The following EPHA10 variants were observed in gnomAD, a reference collection of about 807,000 sequenced individuals.
EPHA10 encodes EPH receptor A10, also known as ephrin type-A receptor 10.
EPHA10 carries 120 observed loss-of-function variants against 109.7 expected under a neutral mutation model. That is an observed-to-expected ratio of 1.09 (90% CI 0.94 to 1.27). The LOEUF (loss-of-function observed/expected upper bound fraction) is 1.27, where lower values mean the gene tolerates loss of function less well. Among genes scored for constraint, EPHA10 ranks in the 50% most tolerant of loss-of-function variants. EPHA10 has a pLI of 0.00. For synonymous variants in EPHA10, 640 were observed against 618.9 expected, an observed-to-expected ratio of 1.03 and a Z score of -0.51; for missense variants, 1,396 against 1,411.1, an observed-to-expected ratio of 0.99 and a Z score of 0.17.
intron 5 of EPHA10, among the ~76,000 whole-genome samples, chr1:37,739,424 C>A (rs1646119921): frequency 6.6e-6 from 1 of 152,276 alleles, no homozygotes; most frequent in Non-Finnish European, 1.5e-5. Flanking sequence ...CAGTGACTCA[C>A]ACCTGTAAAC....
chr1:37,758,102 C>T (rs911407365), intron 3 of EPHA10, among the ~76,000 whole-genome samples: 4 of 152,216 alleles, frequency 2.6e-5, no homozygotes, highest in African/African-American at 9.7e-5. Flanking sequence ...ATTTTGGGTG[C>T]AGGCAATAAG....
At position 37,727,230 on chromosome 1, in the gene EPHA10, G is replaced by A. The variant is rs759812178; in HGVS notation, c.1664-20C>T. 1.5e-5 allele frequency: 23 copies of A among 1,580,986 alleles called. No individual in the cohort carries two copies. The highest frequency in any genetic ancestry group is 1.9e-5 in the Non-Finnish European group (22 of 1,161,724). On this transcript the variant is annotated intron_variant, in intron 7 of 16. Coordinates refer to ENST00000373048, the MANE Select transcript of EPHA10 (RefSeq NM_001099439.2). Reference sequence around the variant, plus strand: ...AGGCAGCTGGGAGGAAAATCACGAGGTTGAGGCAGGCAGAGGACCAGGCTC... The same window carrying A: ...AGGCAGCTGGGAGGAAAATCACGAGATTGAGGCAGGCAGAGGACCAGGCTC...
chr1:37,750,122 T>C (rs1490480560), intron 5 of EPHA10, among the ~76,000 whole-genome samples: 3 of 152,174 alleles, frequency 2.0e-5, no homozygotes, highest in Non-Finnish European at 4.4e-5. Context: ...GTATATACTC[T>C]AAGATATTAA....
At chr1:37,732,249 T>C (rs1645995660) in intron 6 of EPHA10, among the ~76,000 whole-genome samples, 1 of 152,074 alleles carries the variant, frequency 6.6e-6, no homozygotes, top group African/African-American at 2.4e-5. Context: ...TTCCATCTCC[T>C]TTTTAGGTGA....
rs1239710143 is a variant in EPHA10, at chr1:37,754,171, C to T, written c.1006+44G>A. The T allele has an allele frequency of 7.9e-7, 1 of 1,263,516 alleles. No homozygotes were observed. The highest frequency in any genetic ancestry group is 1.5e-5 in the African/African-American group (1 of 64,574). The allele number at this position is 1,263,516 out of a possible 1,614,324, so 78.3% of individuals were successfully genotyped here. On this transcript the variant is annotated intron_variant, in intron 4 of 16. Transcript: ENST00000373048. This position sits in a 1 kb window ranked among gnomAD's most constrained non-coding sequence, Gnocchi z 4.5. The stretch of plus-strand genomic sequence containing the variant: ...GATCAGGCCTTCCTTCTTGGCCACT[C>T]CCACCCCCCACCCTCCGCAGTGCAG...
At position 37,717,392 on chromosome 1, in the gene EPHA10, C is replaced by T; in HGVS notation, c.*980G>A. On this transcript the variant is annotated 3_prime_UTR_variant, in exon 17 of 17. Transcript: ENST00000373048. Reference sequence around the variant, plus strand: ...CAAGGACTCTCTCCCCAGAGCCAGCCTTACCCCTGGATTGGGTTCTGACCT... The same window carrying T: ...CAAGGACTCTCTCCCCAGAGCCAGCTTTACCCCTGGATTGGGTTCTGACCT... 4.3e-6 allele frequency: 1 copy of T among 232,554 alleles called. No homozygotes were observed. Among genetic ancestry groups the T allele is most frequent in the Non-Finnish European group, 8.5e-6 (1 of 117,716 alleles). The allele number at this position is 232,554 out of a possible 1,614,324, so 14.4% of individuals were successfully genotyped here.
At position 37,721,674 on chromosome 1, in the gene EPHA10, C is replaced by T; in HGVS notation, c.2132G>A (p.Gly711Asp). ...CCGGGCCCTACCTCGGGTAACAACG[C>T]CCTCCAGCCGCACGATGTGGCTATG... The part of the protein sequence containing the change: ...FDHSHIVRLE[G>D]VVTRGSTLMI... Residue 711 changes from glycine to aspartate, a missense_variant, in exon 11 of 17, where the codon GGC becomes GAC. Gly to Asp is a moderately conservative substitution (Grantham distance 94, BLOSUM62 -1). Coordinates refer to ENST00000373048, the MANE Select transcript of EPHA10 (RefSeq NM_001099439.2). 1.2e-6 allele frequency: 2 copies of T among 1,606,420 alleles called. No individual in the cohort carries two copies. Among genetic ancestry groups the T allele is most frequent in the East Asian group, 2.2e-5 (1 of 44,688 alleles).
chr1:37,730,275 C>T (rs935477802), intron 7 of EPHA10, among the ~76,000 whole-genome samples: 5 of 152,154 alleles, frequency 3.3e-5, no homozygotes, highest in African/African-American at 1.2e-4. Flanking sequence ...TCTTCACTTC[C>T]CTTTGGACTC....
chr1:37,722,507 G>A (rs1001162768), intron 10 of EPHA10, among the ~76,000 whole-genome samples: 37 of 152,338 alleles, frequency 2.4e-4, no homozygotes, highest in African/African-American at 7.7e-4. Context: ...TTGTAGTCAG[G>A]AAGAAAGGCT....
At chr1:37,721,926 ACT>A (rs1645805372) in intron 10 of EPHA10, 81 bp from the exon 11 acceptor site, 1 of 1,346,302 alleles carries the variant, frequency 7.4e-7, no homozygotes. Flanking sequence ...GGAGAAAGTG[ACT>A]CTGACCAGCC....
Position 37,761,854 on chromosome 1 carries a change from T to A in EPHA10, c.401A>T (p.Glu134Val), listed in dbSNP as rs1398183871. ...GGGACGCCCACGGCCCAGGTCGGCC[T>A]CAGTTTCCAGGTAGTAGACGTTGAA... is the stretch of plus-strand genomic sequence containing the variant. ...ETFNVYYLET[E>V]ADLGRGRPRL... Residue 134 changes from glutamate (E) to valine (V), a missense_variant, in exon 3 of 17, where the codon GAG becomes GTG. Physicochemically the swap from Glu to Val is moderately radical, Grantham distance 121. Coordinates refer to ENST00000373048, the MANE Select transcript of EPHA10 (RefSeq NM_001099439.2). 1 of 1,613,024 alleles carries A rather than the reference T, an allele frequency of 6.2e-7. No homozygotes were observed.
chr1:37,744,291 A>G (rs973933858), intron 5 of EPHA10, among the ~76,000 whole-genome samples: 1 of 151,872 alleles, frequency 6.6e-6, no homozygotes, highest in African/African-American at 2.4e-5. Context: ...AGGCGGGTGG[A>G]TCACGAGGTC....
rs2148300684 is a variant in EPHA10, at chr1:37,718,166, C to T, written c.*206G>A. 7.0e-6 allele frequency: 4 copies of T among 570,328 alleles called. No individual in the cohort carries two copies. The South Asian group carries it at 9.3e-5, about 13-fold the overall frequency. 35.3% of individuals were successfully genotyped at this position (570,328 alleles called of 1,614,324 possible). On this transcript the variant is annotated 3_prime_UTR_variant, in exon 17 of 17. Coordinates refer to ENST00000373048, the MANE Select transcript of EPHA10 (RefSeq NM_001099439.2). The stretch of plus-strand genomic sequence containing the variant: ...GGATTTGAACCTCTTTTCAGGGGCA[C>T]TGAGTTAGCCAAGGCGTTCAGACTC...
intron 5 of EPHA10, among the ~76,000 whole-genome samples, chr1:37,751,911 G>C (rs1486257866): frequency 6.6e-6 from 1 of 152,038 alleles, no homozygotes; most frequent in Non-Finnish European, 1.5e-5. Flanking sequence ...GGTTAAGCAG[G>C]TTAAAGAATT....
chr1:37,762,433 C>T (rs981101931), intron 2 of EPHA10, among the ~76,000 whole-genome samples: 11 of 152,264 alleles, frequency 7.2e-5, no homozygotes, highest in African/African-American at 2.4e-4. Context: ...CTCCAAGCCT[C>T]TTTTAGGACT....
rs1557562507 is a variant in EPHA10, at chr1:37,764,894, AC to A, written c.106+66del. The A allele has an allele frequency of 2.1e-6, 3 of 1,414,444 alleles. No individual in the cohort carries two copies. The highest frequency in any genetic ancestry group is 2.9e-5 in the African/African-American group (2 of 69,468). The allele number at this position is 1,414,444 out of a possible 1,614,324, so 87.6% of individuals were successfully genotyped here. A position where few individuals can be genotyped will look rare whatever the true frequency, so the allele number is the denominator to read the frequency against. On this transcript the variant is annotated intron_variant, in intron 1 of 16. Transcript: ENST00000373048. This position sits in a 1 kb window ranked among gnomAD's most constrained non-coding sequence, Gnocchi z 5.8. ...CTCTCCAATGACTCCTTCCCCCAGAACCCCCATCGCCAGCCCCCTATCTTTT... is the reference window on the plus strand; with the variant it reads ...CTCTCCAATGACTCCTTCCCCCAGAACCCCATCGCCAGCCCCCTATCTTTT...
intron 13 of EPHA10, 29 bp from the exon 14 acceptor site, chr1:37,720,087 G>C: frequency 6.2e-7 from 1 of 1,611,424 alleles, no homozygotes; most frequent in South Asian, 1.1e-5. Flanking sequence ...CAGGGGCAAG[G>C]AGGAACTGGG....
chr1:37,765,024 A>C lies in EPHA10; in HGVS notation c.43T>G (p.Cys15Gly). The change falls in exon 1 of 17, where the codon TGC becomes GGC. Residue 15 changes from cysteine (C) to glycine (G), a missense_variant. Transcript: ENST00000373048. ...AGPHPLRLFL[C>G]RMQLCLALLL... ...AGCGCGAGACAGAGCTGCATCCGGC[A>C]GAGGAAGAGGCGCAGCGGGTGTGGA... 2 of 1,610,588 alleles carry C rather than the reference A, an allele frequency of 1.2e-6. No homozygotes were observed. The highest frequency in any genetic ancestry group is 1.7e-6 in the Non-Finnish European group (2 of 1,179,354).
intron 3 of EPHA10, among the ~76,000 whole-genome samples, chr1:37,757,749 T>C (rs1646401593): frequency 6.6e-6 from 1 of 152,188 alleles, no homozygotes. Flanking sequence ...CAAATATTTT[T>C]TGGCATCTAC....
Sources: allele counts gnomAD v4.1 joint callset (sites outside exome capture counted in the v4.1 genomes callset), GRCh38; gene constraint gnomAD v4.1.1; non-coding constraint Gnocchi (gnomAD v3.1); transcripts MANE v1.5; gene names NCBI Gene and HGNC (gene_info 2026-07-23, HGNC 2026-07-21).